PARD3B: variants seen among roughly 807,000 people sequenced by gnomAD.
The protein encoded by PARD3B is partitioning defective 3 homolog B.
A neutral mutation model predicts 130.2 loss-of-function variants in PARD3B; 103 were observed. That is an observed-to-expected ratio of 0.79 (90% CI 0.67 to 0.93). The LOEUF is 0.93. PARD3B is among the 40% of genes least tolerant of loss of function. PARD3B has a pLI of 0.00. For synonymous variants in PARD3B, 583 were observed against 553.2 expected (o/e 1.05, Z -0.76); for missense variants, 1,609 against 1,499.2 (o/e 1.07, Z -1.21).
intron 6 of PARD3B, among the ~76,000 whole-genome samples, chr2:205,117,271 A>C (rs1011755298): frequency 6.6e-6 from 1 of 152,170 alleles, no homozygotes; most frequent in Non-Finnish European, 1.5e-5. Flanking sequence ...AATATGACTA[A>C]TTTGCTAACC....
chr2:205,425,441 T>C (rs1235184732), intron 19 of PARD3B, among the ~76,000 whole-genome samples: 1 of 151,578 alleles, frequency 6.6e-6, no homozygotes, highest in African/African-American at 2.4e-5. Flanking sequence ...CAGTGTTTAG[T>C]AGCAATGGAA....
intron 2 of PARD3B, among the ~76,000 whole-genome samples, chr2:204,807,682 T>A (rs1370712331): frequency 2.0e-5 from 3 of 152,110 alleles, no homozygotes; most frequent in Admixed American, 6.6e-5. Context: ...GCCTATCATT[T>A]GCAACATGGA....
intron 4 of PARD3B, among the ~76,000 whole-genome samples, chr2:205,071,879 T>TA (rs892441363): frequency 5.9e-5 from 9 of 151,882 alleles, no homozygotes; most frequent in South Asian, 2.1e-4. Context: ...AATTTTATCT[T>TA]AAAAAAAACA....
At chr2:204,860,890 G>A (rs942705281) in intron 2 of PARD3B, among the ~76,000 whole-genome samples, 2 of 152,280 alleles carry the variant, frequency 1.3e-5, no homozygotes, top group African/African-American at 2.4e-5. Flanking sequence ...GATTAGCAGT[G>A]GTTCTTGTTT....
chr2:204,832,525 A>C (rs184355327), intron 2 of PARD3B, among the ~76,000 whole-genome samples: 127 of 152,322 alleles, frequency 8.3e-4, no homozygotes, highest in African/African-American at 2.8e-3. Flanking sequence ...CACTGAAAGA[A>C]CAGCTGGATA....
Position 205,036,152 on chromosome 2 carries a change from A to T in PARD3B, c.395-11429A>T, listed in dbSNP as rs183770498. Among the ~76,000 whole-genome samples the T allele has an allele frequency of 3.5e-3, 506 of 146,226 alleles. 3 individuals are homozygous for T. The highest frequency in any genetic ancestry group is 0.012 in the African/African-American group (468 of 40,244). ...GGTACATATATATTATATATATATA[A>T]AAAATATGTAGTATATAGTGGACTA... On this transcript the variant is annotated intron_variant, in intron 3 of 22. Coordinates refer to ENST00000406610, the MANE Select transcript of PARD3B (RefSeq NM_001302769.2).
chr2:204,678,732 C>G lies in PARD3B; in HGVS notation c.121-7449C>G, dbSNP rs1477701045. ...CTGAGCTCTGAGGTTTATAGGAGCACGAGATACGGAGGCTGGGTGGGCCAA... is the reference window on the plus strand; with the variant it reads ...CTGAGCTCTGAGGTTTATAGGAGCAGGAGATACGGAGGCTGGGTGGGCCAA... On this transcript the variant is annotated intron_variant, in intron 1 of 22. Coordinates refer to ENST00000406610, the MANE Select transcript of PARD3B (RefSeq NM_001302769.2). This position sits in a 1 kb window ranked among gnomAD's most constrained non-coding sequence, Gnocchi z 4.2. 6.6e-6 allele frequency among the ~76,000 whole-genome samples: 1 copy of G among 152,044 alleles called. No individual in the cohort carries two copies. The highest frequency in any genetic ancestry group is 2.4e-5 in the African/African-American group (1 of 41,384).
At chr2:204,962,524 T>A (rs1474377570) in intron 2 of PARD3B, among the ~76,000 whole-genome samples, 1 of 152,174 alleles carries the variant, frequency 6.6e-6, no homozygotes, top group Admixed American at 6.5e-5. Context: ...TGCACTAGAT[T>A]CTTTAAAAAC....
chr2:205,449,106 C>T (rs1360587587), intron 20 of PARD3B, among the ~76,000 whole-genome samples: 1 of 140,076 alleles, frequency 7.1e-6, no homozygotes, highest in Non-Finnish European at 1.5e-5. Flanking sequence ...GCGCAGGTTG[C>T]AGTCAGCCAA....
At chr2:205,044,175 C>T (rs367614768) in intron 3 of PARD3B, among the ~76,000 whole-genome samples, 189 of 151,776 alleles carry the variant, frequency 1.2e-3, no homozygotes, top group African/African-American at 3.7e-3. Flanking sequence ...ATGGTGTATA[C>T]GTGCCACATT....
At chr2:205,120,997 G>A (rs1374975120) in intron 7 of PARD3B, among the ~76,000 whole-genome samples, 1 of 152,182 alleles carries the variant, frequency 6.6e-6, no homozygotes, top group Non-Finnish European at 1.5e-5. Flanking sequence ...CTGTGTGAGA[G>A]TAACAGGAAG....
At position 205,142,355 on chromosome 2, in the gene PARD3B, C is replaced by G. The variant is rs2033029475; in HGVS notation, c.1435-16367C>G. On this transcript the variant is annotated intron_variant, in intron 10 of 22. Transcript: ENST00000406610. The surrounding 1 kb of genome is among the most constrained non-coding windows in gnomAD (Gnocchi z 4.3). ...AAGTTTAGGTGAGAGGTGTTGAAAACTATGATTTTGGTAGATAAGATGAAA... is the reference window on the plus strand; with the variant it reads ...AAGTTTAGGTGAGAGGTGTTGAAAAGTATGATTTTGGTAGATAAGATGAAA... 1.3e-5 allele frequency among the ~76,000 whole-genome samples: 2 copies of G among 152,056 alleles called. No individual in the cohort carries two copies. Among genetic ancestry groups the G allele is most frequent in the South Asian group, 2.1e-4 (1 of 4,830 alleles).
chr2:205,282,347 A>G (rs1045906412), intron 16 of PARD3B, among the ~76,000 whole-genome samples: 1 of 151,900 alleles, frequency 6.6e-6, no homozygotes, highest in African/African-American at 2.4e-5. Context: ...TATACTACCT[A>G]TTGCCAGAAA....
At chr2:204,930,658 C>A (rs762246196) in intron 2 of PARD3B, among the ~76,000 whole-genome samples, 1 of 152,014 alleles carries the variant, frequency 6.6e-6, no homozygotes, top group Non-Finnish European at 1.5e-5. Flanking sequence ...TCATTTTTAA[C>A]ATAATCAGTC....
Position 205,421,281 on chromosome 2 carries a change from C to A in PARD3B, c.2742-19089C>A, listed in dbSNP as rs1290714864. Among the ~76,000 whole-genome samples, 1 of 152,176 alleles carries A rather than the reference C, an allele frequency of 6.6e-6. No individual in the cohort carries two copies. The highest frequency in any genetic ancestry group is 1.9e-4 in the East Asian group (1 of 5,196). On this transcript the variant is annotated intron_variant, in intron 19 of 22. Coordinates refer to ENST00000406610, the MANE Select transcript of PARD3B (RefSeq NM_001302769.2). This position sits in a 1 kb window ranked among gnomAD's most constrained non-coding sequence, Gnocchi z 5.1. ...CTCCTCTAGGTGGCCATTTCTTGCA[C>A]TACAGATGTCAGCTGCCGGGACCAG...
intron 4 of PARD3B, among the ~76,000 whole-genome samples, chr2:205,094,695 T>A (rs1365801430): frequency 6.6e-6 from 1 of 152,200 alleles, no homozygotes; most frequent in East Asian, 1.9e-4. Flanking sequence ...ATGCTTGTGT[T>A]GGCATGCGTG....
chr2:205,394,069 TC>T (rs571592581), intron 18 of PARD3B, among the ~76,000 whole-genome samples: 125 of 152,306 alleles, frequency 8.2e-4, no homozygotes, highest in African/African-American at 2.8e-3. Flanking sequence ...TGTTAATGGT[TC>T]AATTCTGTGT....
At chr2:205,030,163 T>C (rs1575590142) in intron 3 of PARD3B, among the ~76,000 whole-genome samples, 1 of 152,080 alleles carries the variant, frequency 6.6e-6, no homozygotes, top group Non-Finnish European at 1.5e-5. Context: ...AGCCCACAGA[T>C]TGAGAAAACC....
In PARD3B at chr2:204,686,170, T is replaced by C; in HGVS notation, c.121-11T>C. 6.4e-7 allele frequency: 1 copy of C among 1,569,168 alleles called. No homozygotes were observed. The highest frequency in any genetic ancestry group is 8.8e-7 in the Non-Finnish European group (1 of 1,139,758). ...GATTAGGTCATTAAACTTGTGTTTGTTCTACTATAGGGTCCTGGTTACTGG... is the reference window on the plus strand; with the variant it reads ...GATTAGGTCATTAAACTTGTGTTTGCTCTACTATAGGGTCCTGGTTACTGG... On this transcript the variant is annotated splice_polypyrimidine_tract_variant and intron_variant, in intron 1 of 22. Transcript: ENST00000406610.
Sources: allele counts gnomAD v4.1 joint callset (sites outside exome capture counted in the v4.1 genomes callset), GRCh38; gene constraint gnomAD v4.1.1; non-coding constraint Gnocchi (gnomAD v3.1); transcripts MANE v1.5; gene names NCBI Gene and HGNC (gene_info 2026-07-23, HGNC 2026-07-21).